The following C1QTNF6 variants were observed in gnomAD, a reference collection of about 807,000 sequenced individuals.
C1QTNF6 encodes C1q and TNF related 6.
In C1QTNF6, 17 loss-of-function variants were observed where a neutral mutation model predicts 20.7. The ratio of observed to expected loss-of-function variants is 0.82; its 90% CI spans 0.56 to 1.23. The LOEUF (loss-of-function observed/expected upper bound fraction) is 1.23. Ranked by LOEUF, C1QTNF6 falls within the 50% of genes most tolerant of loss-of-function variation. The probability of loss-of-function intolerance (pLI) is 0.00; values close to 1 mark genes in which losing one functional copy is unlikely to be tolerated. For synonymous variants in C1QTNF6, 130 were observed against 156.3 expected, an observed-to-expected ratio of 0.83 and a Z score of 1.25; for missense variants, 329 against 389.7, an observed-to-expected ratio of 0.84 and a Z score of 1.31.
intron 1 of C1QTNF6, chr22:37,197,040 G>A (rs229544): frequency 0.65 from 99,049 of 152,168 alleles, 33,718 homozygotes; most frequent in African/African-American, 0.85. Context: ...AAGGTCACAT[G>A]GCAGACTACA....
At chr22:37,193,637 G>A (rs1924950345) in intron 2 of C1QTNF6, among the ~76,000 whole-genome samples, 1 of 152,130 alleles carries the variant, frequency 6.6e-6, no homozygotes, top group Admixed American at 6.5e-5. Context: ...CAATATTTCT[G>A]GCTTTTGAAC....
intron 2 of C1QTNF6, among the ~76,000 whole-genome samples, chr22:37,193,342 T>G (rs1257688010): frequency 6.6e-6 from 1 of 152,184 alleles, no homozygotes; most frequent in East Asian, 1.9e-4. Flanking sequence ...AACAGAGGTT[T>G]CTCCCAAAAC....
In C1QTNF6 at chr22:37,182,617, G is replaced by T; in HGVS notation, c.408C>A (p.Gly136=). The change falls in exon 3 of 3, where the codon GGC becomes GGA. Residue 136 remains glycine, a synonymous_variant. Coordinates refer to ENST00000337843, the MANE Select transcript of C1QTNF6 (RefSeq NM_031910.4). ...KGDKGEMGSP[G]APCQKRFFAF... ...CGAAGAAGCGCTTCTGGCACGGGGC[G>T]CCGGGGCTGCCCATCTCCCCCTTGT... is the stretch of plus-strand genomic sequence containing the variant. 1 of 1,613,634 alleles carries T rather than the reference G, an allele frequency of 6.2e-7. No individual in the cohort carries two copies. The highest frequency in any genetic ancestry group is 1.1e-5 in the South Asian group (1 of 91,076).
At chr22:37,186,358 A>G (rs1012150484) in intron 1 of C1QTNF6, among the ~76,000 whole-genome samples, 1 of 152,208 alleles carries the variant, frequency 6.6e-6, no homozygotes, top group African/African-American at 2.4e-5. Context: ...GCAGTCAACT[A>G]TCTATGCAAC....
chr22:37,184,253 C>A lies in C1QTNF6; in HGVS notation c.289+965G>T. 1.5e-6 allele frequency: 1 copy of A among 678,212 alleles called. No individual in the cohort carries two copies. The highest frequency in any genetic ancestry group is 1.8e-5 in the African/African-American group (1 of 56,762). 42.0% of individuals were successfully genotyped at this position (678,212 alleles called of 1,614,324 possible). A position where few individuals can be genotyped will look rare whatever the true frequency, so the allele number is the denominator to read the frequency against. ...CCCCGGGGAGAGCTCAGGAACAAATCCTGGCTCCATCCCTGACAGCTGTGT... is the reference window on the plus strand; with the variant it reads ...CCCCGGGGAGAGCTCAGGAACAAATACTGGCTCCATCCCTGACAGCTGTGT... On this transcript the variant is annotated intron_variant, in intron 2 of 2. Coordinates refer to ENST00000337843, the MANE Select transcript of C1QTNF6 (RefSeq NM_031910.4). The surrounding 1 kb of genome is among the most constrained non-coding windows in gnomAD (Gnocchi z 4.0).
At chr22:37,185,614 A>C in intron 1 of C1QTNF6, 159 bp from the exon 2 acceptor site, 1 of 1,352,402 alleles carries the variant, frequency 7.4e-7, no homozygotes, top group Non-Finnish European at 9.5e-7. Flanking sequence ...GAAGACTGAG[A>C]CCTCCACAGA....
chr22:37,189,061 A>C (rs1423825613), upstream of C1QTNF6, among the ~76,000 whole-genome samples: 2 of 152,178 alleles, frequency 1.3e-5, no homozygotes, highest in Non-Finnish European at 2.9e-5. Context: ...TGGATTATTC[A>C]TGAGTTTTCC....
chr22:37,192,031 T>C (rs1419356141), upstream of C1QTNF6, among the ~76,000 whole-genome samples: 1 of 136,936 alleles, frequency 7.3e-6, no homozygotes, highest in African/African-American at 2.9e-5. Flanking sequence ...AACTGAATAA[T>C]ATCCCTTTAA....
rs1446763995 is a variant in C1QTNF6, at chr22:37,180,417, C to A, written c.*1771G>T. On this transcript the variant is annotated 3_prime_UTR_variant, in exon 3 of 3. Transcript: ENST00000337843. ...GGCCGCCTCCCTCTGGGGAGAAGGG[C>A]AGGCCACCTGGGTTTGGAAGGCTAG... 1 of 152,844 alleles carries A rather than the reference C, an allele frequency of 6.5e-6. No homozygotes were observed. The allele number at this position is 152,844 out of a possible 1,614,324, so 9.5% of individuals were successfully genotyped here.
intron 2 of C1QTNF6, among the ~76,000 whole-genome samples, chr22:37,183,421 C>A (rs1396489325): frequency 6.6e-6 from 1 of 152,270 alleles, no homozygotes. Context: ...GCTGGCCCAT[C>A]CCGACCTGCT....
chr22:37,194,698 C>T (rs1925035603), intron 2 of C1QTNF6, among the ~76,000 whole-genome samples: 1 of 152,212 alleles, frequency 6.6e-6, no homozygotes, highest in Non-Finnish European at 1.5e-5. Context: ...AGGAGACTAG[C>T]CACCCCACTC....
rs751685807 is a variant in C1QTNF6 at position 37,182,084 on chromosome 22, G to A, written c.*104C>T. The A allele has an allele frequency of 1.7e-5, 22 of 1,309,976 alleles. No individual in the cohort carries two copies. The highest frequency in any genetic ancestry group is 2.2e-5 in the Non-Finnish European group (21 of 973,862). 81.1% of individuals were successfully genotyped at this position (1,309,976 alleles called of 1,614,324 possible). On this transcript the variant is annotated 3_prime_UTR_variant, in exon 3 of 3. Coordinates refer to ENST00000337843, the MANE Select transcript of C1QTNF6 (RefSeq NM_031910.4). ...GGTCTCCCCAGAATGCCAGGTCCCCGGGGACCTCCCTGGCCTTCCTGCTTC... is the reference window on the plus strand; with the variant it reads ...GGTCTCCCCAGAATGCCAGGTCCCCAGGGACCTCCCTGGCCTTCCTGCTTC...
Position 37,181,358 on chromosome 22 carries a change from A to T in C1QTNF6, c.*830T>A, listed in dbSNP as rs1884289273. ...GAGGGGGAAGGGGTAAAGAGAACAT[A>T]GCACGGGGAGCCCTGGAGGGATGAG... On this transcript the variant is annotated 3_prime_UTR_variant, in exon 3 of 3. Transcript: ENST00000337843. The T allele has an allele frequency of 6.6e-6, 1 of 152,478 alleles. No individual in the cohort carries two copies. The highest frequency in any genetic ancestry group is 2.4e-5 in the African/African-American group (1 of 41,460). 9.4% of individuals were successfully genotyped at this position (152,478 alleles called of 1,614,324 possible). A position where few individuals can be genotyped will look rare whatever the true frequency, so the allele number is the denominator to read the frequency against.
intron 1 of C1QTNF6, chr22:37,195,799 T>C (rs1925101263): frequency 6.6e-6 from 1 of 152,238 alleles, no homozygotes; most frequent in African/African-American, 2.4e-5. Flanking sequence ...TAAATTGTCA[T>C]GGTGCTGGTG....
intron 1 of C1QTNF6, chr22:37,197,384 G>A (rs902397321): frequency 3.9e-5 from 6 of 152,272 alleles, no homozygotes; most frequent in Admixed American, 1.3e-4. Flanking sequence ...CCAAGCCTTC[G>A]GGCTTAGAAA....
In C1QTNF6 at chr22:37,180,347, C is replaced by CG. The variant is rs1279744505; in HGVS notation, c.*1840dup. 1 of 152,784 alleles carries CG rather than the reference C, an allele frequency of 6.5e-6. No individual in the cohort carries two copies. Among genetic ancestry groups the CG allele is most frequent in the Non-Finnish European group, 1.5e-5 (1 of 68,122 alleles). 9.5% of individuals were successfully genotyped at this position (152,784 alleles called of 1,614,324 possible). A position where few individuals can be genotyped will look rare whatever the true frequency, so the allele number is the denominator to read the frequency against. ...GCTGTGAGCACCAGAGATCACCCCC[C>CG]GGGGCACCTCAGCCCCAGAGTCTGC... is the stretch of plus-strand genomic sequence containing the variant. On this transcript the variant is annotated 3_prime_UTR_variant, in exon 3 of 3. Coordinates refer to ENST00000337843, the MANE Select transcript of C1QTNF6 (RefSeq NM_031910.4).
chr22:37,188,811 G>C (rs1924612150), upstream of C1QTNF6, among the ~76,000 whole-genome samples: 1 of 152,246 alleles, frequency 6.6e-6, no homozygotes, highest in Non-Finnish European at 1.5e-5. Context: ...TGAATGACCA[G>C]GCTGACCTCC....
chr22:37,184,395 G>T lies in C1QTNF6; in HGVS notation c.289+823C>A. ...AGGATGTCAAGGCCTGGTCACAGCCGTCAGCCACCACAGCCTGGAAGGGAA... is the reference window on the plus strand; with the variant it reads ...AGGATGTCAAGGCCTGGTCACAGCCTTCAGCCACCACAGCCTGGAAGGGAA... On this transcript the variant is annotated intron_variant, in intron 2 of 2. Transcript: ENST00000337843. The surrounding 1 kb of genome is among the most constrained non-coding windows in gnomAD (Gnocchi z 4.0). 1.4e-6 allele frequency: 1 copy of T among 717,286 alleles called. No homozygotes were observed. Among genetic ancestry groups the T allele is most frequent in the South Asian group, 1.5e-5 (1 of 67,604 alleles). 44.4% of individuals were successfully genotyped at this position (717,286 alleles called of 1,614,324 possible).
Position 37,182,439 on chromosome 22 carries a change from T to C in C1QTNF6, c.586A>G (p.Asn196Asp). The C allele has an allele frequency of 6.2e-7, 1 of 1,614,248 alleles. No individual in the cohort carries two copies. The highest frequency in any genetic ancestry group is 1.3e-5 in the African/African-American group (1 of 75,062). The change falls in exon 3 of 3, where the codon AAT becomes GAT. Residue 196 changes from asparagine to aspartate, a missense_variant. Transcript: ENST00000337843. ...TCCTTGTAATTCCAGCTGTGCACATTGAGGCTGAAGAAGTAGATGCCACGC... is the reference window on the plus strand; with the variant it reads ...TCCTTGTAATTCCAGCTGTGCACATCGAGGCTGAAGAAGTAGATGCCACGC... ...PLRGIYFFSL[N>D]VHSWNYKETY...
Sources: allele counts gnomAD v4.1 joint callset (sites outside exome capture counted in the v4.1 genomes callset), GRCh38; gene constraint gnomAD v4.1.1; non-coding constraint Gnocchi (gnomAD v3.1); transcripts MANE v1.5; gene names NCBI Gene and HGNC (gene_info 2026-07-23, HGNC 2026-07-21).